The following PXN variants were observed in gnomAD, a reference collection of about 807,000 sequenced individuals.
PXN encodes testicular tissue protein Li 134.
Under a neutral mutation model 103.6 loss-of-function variants are expected in PXN, and 61 were observed. That is an observed-to-expected ratio of 0.59 (90% CI 0.48 to 0.73). The LOEUF (loss-of-function observed/expected upper bound fraction) is 0.73. Among genes scored for constraint, PXN ranks in the 30% least tolerant of loss-of-function variants. The pLI, the probability that PXN is intolerant of heterozygous loss-of-function variation, is 0.00. For synonymous variants in PXN, 562 were observed against 607.8 expected (o/e 0.92, Z 1.11); for missense variants, 1,274 against 1,460.3 (o/e 0.87, Z 2.08).
Position 120,219,971 on chromosome 12 carries a change from T to G in PXN, c.952A>C (p.Ile318Leu), listed in dbSNP as rs769976014. 6 of 1,593,266 alleles carry G rather than the reference T, an allele frequency of 3.8e-6. 1 individual carries two copies. In the South Asian group the frequency reaches 4.4e-5, roughly 12 times the overall value. ...TGGCCCTGGCCTCGAGGGGAGGGTA[T>G]AGTGGTGGGTGGCAGAAATACAGAT... ...MPSVFLPPTT[I>L]PSPRGQGHTP... The change falls in exon 7 of 15, where the codon ATA (isoleucine) becomes CTA (leucine). Residue 318 changes from isoleucine to leucine, a missense_variant. Around this residue, in one of 2 missense-constraint regions of PXN, gnomAD observed 1,178 missense variants for 1,309.0 expected, o/e 0.90. Transcript: ENST00000637617. The surrounding 1 kb of genome is among the most constrained non-coding windows in gnomAD (Gnocchi z 6.5).
At position 120,215,872 on chromosome 12, in the gene PXN, G is replaced by A. The variant is rs1371184760; in HGVS notation, c.2302-211C>T. On this transcript the variant is annotated intron_variant, in intron 9 of 14. Coordinates refer to ENST00000637617, the MANE Select transcript of PXN (RefSeq NM_001385981.1). The surrounding 1 kb of genome is among the most constrained non-coding windows in gnomAD (Gnocchi z 4.9). ...AGGAAGAAGGACAGGGAGGGGAGTC[G>A]ACCAAAGGCAGAGGAAATGGCAAGG... is the stretch of plus-strand genomic sequence containing the variant. The A allele has an allele frequency of 4.5e-6, 6 of 1,331,344 alleles. No individual in the cohort carries two copies. Among genetic ancestry groups the A allele is most frequent in the East Asian group, 2.7e-5 (1 of 36,618 alleles). 82.5% of individuals were successfully genotyped at this position (1,331,344 alleles called of 1,614,324 possible).
In PXN at chr12:120,258,827, A is replaced by G. The variant is rs1189852921; in HGVS notation, c.13+6790T>C. ...GTAATCTCAGCACTTTGGGAGGCCG[A>G]GGTGGGTGGATCACCTGAGGTCGGG... On this transcript the variant is annotated intron_variant, in intron 1 of 14. Coordinates refer to ENST00000637617, the MANE Select transcript of PXN (RefSeq NM_001385981.1). Among the ~76,000 whole-genome samples, 3 of 152,018 alleles carry G rather than the reference A, an allele frequency of 2.0e-5. No individual in the cohort carries two copies. In the South Asian group the frequency reaches 6.2e-4, roughly 32 times the overall value.
In PXN at chr12:120,219,346, G is replaced by GT; in HGVS notation, c.1576dup (p.Thr526AsnfsTer5). 6.3e-7 allele frequency: 1 copy of GT among 1,598,400 alleles called. No homozygotes were observed. Among genetic ancestry groups the GT allele is most frequent in the Non-Finnish European group, 8.5e-7 (1 of 1,179,792 alleles). On this transcript the variant is annotated frameshift_variant, in exon 7 of 15. Transcript: ENST00000637617. LOFTEE classifies it high-confidence loss of function. The surrounding 1 kb of genome is among the most constrained non-coding windows in gnomAD (Gnocchi z 6.5). ...GCTCCTTGGGGTTTCAGGTCCCTGGGTTGGCCTGGCCACACTTCCCCTCTC... is the reference window on the plus strand; with the variant it reads ...GCTCCTTGGGGTTTCAGGTCCCTGGGTTTGGCCTGGCCACACTTCCCCTCTC...
chr12:120,243,687 T>C (rs1030239942), intron 1 of PXN, among the ~76,000 whole-genome samples: 2 of 152,142 alleles, frequency 1.3e-5, no homozygotes, highest in Non-Finnish European at 2.9e-5. Context: ...AGAAATCCTA[T>C]CTCTTAAAAC....
chr12:120,224,382 A>C lies in PXN; in HGVS notation c.14-5T>G. The C allele has an allele frequency of 1.9e-6, 3 of 1,610,050 alleles. No homozygotes were observed. The highest frequency in any genetic ancestry group is 2.6e-6 in the Non-Finnish European group (3 of 1,176,456). The stretch of plus-strand genomic sequence containing the variant: ...CCAAGTCCGCCAGCAGGGCGTCTGC[A>C]AAGAGAAGGCACGGGTAGCAGGTGA... On this transcript the variant is annotated splice_region_variant and splice_polypyrimidine_tract_variant and intron_variant, in intron 1 of 14. Transcript: ENST00000637617. This position sits in a 1 kb window ranked among gnomAD's most constrained non-coding sequence, Gnocchi z 5.0.
rs750409519 is a variant in PXN, at chr12:120,216,035, C to T, written c.2301+238G>A. The T allele has an allele frequency of 1.4e-5, 19 of 1,317,024 alleles. No homozygotes were observed. In the South Asian group the frequency reaches 2.5e-4, roughly 17 times the overall value. The allele number at this position is 1,317,024 out of a possible 1,614,324, so 81.6% of individuals were successfully genotyped here. On this transcript the variant is annotated intron_variant, in intron 9 of 14. Transcript: ENST00000637617. The surrounding 1 kb of genome is among the most constrained non-coding windows in gnomAD (Gnocchi z 5.1). ...GCCCGGGGCAGTACTGAGGACCAGT[C>T]GAGGAAGGAGCAGACATGGGTGGAC...
At position 120,214,555 on chromosome 12, in the gene PXN, C is replaced by T. The variant is rs527318321; in HGVS notation, c.2748+270G>A. On this transcript the variant is annotated intron_variant, in intron 12 of 14. Transcript: ENST00000637617. The surrounding 1 kb of genome is among the most constrained non-coding windows in gnomAD (Gnocchi z 5.0). The stretch of plus-strand genomic sequence containing the variant: ...GGAGAGTGAGGCCGCTGGCATCCAA[C>T]TCCATTTATCTCCTCAGGGCTCCTG... Among the ~76,000 whole-genome samples the T allele has an allele frequency of 5.9e-5, 9 of 152,328 alleles. No homozygotes were observed. In the East Asian group the frequency reaches 1.7e-3, roughly 29 times the overall value.
chr12:120,219,722 G>C lies in PXN; in HGVS notation c.1201C>G (p.His401Asp). 1 of 1,595,674 alleles carries C rather than the reference G, an allele frequency of 6.3e-7. No homozygotes were observed. The highest frequency in any genetic ancestry group is 8.5e-7 in the Non-Finnish European group (1 of 1,178,624). Residue 401 changes from histidine (H) to aspartate (D), a missense_variant, in exon 7 of 15, where the codon CAC becomes GAC. Physicochemically the swap from His to Asp is moderately conservative, Grantham distance 81 (BLOSUM62 -1). This residue lies in a region of PXN where 1,178 missense variants were observed against 1,309.0 expected (regional missense o/e 0.90). Transcript: ENST00000637617. This position sits in a 1 kb window ranked among gnomAD's most constrained non-coding sequence, Gnocchi z 6.5. ...GTGCTCCCAGCACAGGGTACAGTGT[G>C]GCAGCGGGGAGCCCCAGAGAGCTCA... ...TSELSGAPRC[H>D]TVPCAGSTAL...
rs761005766 is a variant in PXN, at chr12:120,219,669, C to G, written c.1254G>C (p.Gln418His). 7 of 1,586,692 alleles carry G rather than the reference C, an allele frequency of 4.4e-6. No homozygotes were observed. In the African/African-American group the frequency reaches 9.4e-5, roughly 21 times the overall value. ...STALQEPGEP[Q>H]GPPASPSCPE... ...GGCACGAAGGGCTGGCTGGTGGCCC[C>G]TGGGGCTCCCCAGGCTCTTGGAGAG... Residue 418 changes from glutamine (Q) to histidine (H), a missense_variant, in exon 7 of 15, where the codon CAG (glutamine) becomes CAC (histidine). Coordinates refer to ENST00000637617, the MANE Select transcript of PXN (RefSeq NM_001385981.1). The surrounding 1 kb of genome is among the most constrained non-coding windows in gnomAD (Gnocchi z 6.5).
At chr12:120,233,715 T>C (rs932052175) in intron 1 of PXN, among the ~76,000 whole-genome samples, 1 of 152,172 alleles carries the variant, frequency 6.6e-6, no homozygotes, top group Non-Finnish European at 1.5e-5. Context: ...TCAGAAACCC[T>C]GGGGATGGCA....
intron 1 of PXN, chr12:120,249,824 T>C (rs577530164): frequency 1.0e-6 from 1 of 978,488 alleles, no homozygotes; most frequent in Non-Finnish European, 1.2e-6. Context: ...AAGAGGCCAT[T>C]TGAGGTGGTG....
chr12:120,213,247 G>T lies in PXN; in HGVS notation c.2979+595C>A, dbSNP rs1880992809. 1 of 153,148 alleles carries T rather than the reference G, an allele frequency of 6.5e-6. No individual in the cohort carries two copies. The highest frequency in any genetic ancestry group is 2.0e-4 in the South Asian group (1 of 4,894). The allele number at this position is 153,148 out of a possible 1,614,324, so 9.5% of individuals were successfully genotyped here. ...TACAAAAAATTAGCCAGGCATGGGG[G>T]CGTGTGCCTGTAATCTCAGCTACTT... On this transcript the variant is annotated intron_variant, in intron 14 of 14. Coordinates refer to ENST00000637617, the MANE Select transcript of PXN (RefSeq NM_001385981.1). This position sits in a 1 kb window ranked among gnomAD's most constrained non-coding sequence, Gnocchi z 4.2.
intron 3 of PXN, 88 bp downstream of exon 3, chr12:120,223,630 T>C: frequency 9.8e-7 from 1 of 1,015,728 alleles, no homozygotes; most frequent in Non-Finnish European, 1.4e-6. Flanking sequence ...CTATGCCTGC[T>C]CCCGGGCCTC....
chr12:120,216,549 CAG>C lies in PXN; in HGVS notation c.2023_2024del (p.Leu675GlufsTer59), dbSNP rs1883084894. 2.1e-6 allele frequency: 3 copies of C among 1,419,600 alleles called. No homozygotes were observed. Among genetic ancestry groups the C allele is most frequent in the South Asian group, 1.5e-5 (1 of 66,614 alleles). 87.9% of individuals were successfully genotyped at this position (1,419,600 alleles called of 1,614,324 possible). A position where few individuals can be genotyped will look rare whatever the true frequency, so the allele number is the denominator to read the frequency against. ...VVFPPGSPIP[L>X]RRTISVLASP... Reference sequence around the variant, plus strand: ...AAGCCAGGACAGAGATGGTTCTTCTCAGGGGAATGGGAGAGCCAGGAGGGAAG... The same window carrying C: ...AAGCCAGGACAGAGATGGTTCTTCTCGGGAATGGGAGAGCCAGGAGGGAAG... On this transcript the variant is annotated frameshift_variant, in exon 9 of 15. Transcript: ENST00000637617. LOFTEE classifies it high-confidence loss of function. This position sits in a 1 kb window ranked among gnomAD's most constrained non-coding sequence, Gnocchi z 5.1.
intron 1 of PXN, among the ~76,000 whole-genome samples, chr12:120,245,645 G>A (rs1032759432): frequency 3.3e-5 from 5 of 151,682 alleles, no homozygotes; most frequent in Non-Finnish European, 5.9e-5. Context: ...AAAATTAGCC[G>A]GGTGTTGTGG....
chr12:120,235,815 C>T (rs1015795618), intron 1 of PXN, among the ~76,000 whole-genome samples: 16 of 152,206 alleles, frequency 1.1e-4, no homozygotes, highest in African/African-American at 3.9e-4. Context: ...TCGACGCGCA[C>T]AAGTGTTTTC....
At position 120,217,843 on chromosome 12, in the gene PXN, C is replaced by CT. The variant is rs1883719904; in HGVS notation, c.1717-728dup. Among the ~76,000 whole-genome samples the CT allele has an allele frequency of 1.3e-5, 2 of 151,744 alleles. No individual in the cohort carries two copies. Among genetic ancestry groups the CT allele is most frequent in the Admixed American group, 6.5e-5 (1 of 15,274 alleles). The stretch of plus-strand genomic sequence containing the variant: ...TCAAACTCCTGACCTCGTGATCTGC[C>CT]TGCCTCGGCCTCCCAAAGTGCTGGG... On this transcript the variant is annotated intron_variant, in intron 7 of 14. Transcript: ENST00000637617. This position sits in a 1 kb window ranked among gnomAD's most constrained non-coding sequence, Gnocchi z 4.1.
At position 120,229,070 on chromosome 12, in the gene PXN, G is replaced by A. The variant is rs1887498248; in HGVS notation, c.14-4693C>T. On this transcript the variant is annotated intron_variant, in intron 1 of 14. Transcript: ENST00000637617. This position sits in a 1 kb window ranked among gnomAD's most constrained non-coding sequence, Gnocchi z 4.0. ...GGGGACCGGTTCGCCTGCATTCCAG[G>A]GCAAGTGCTGCAGCTGCATCCCTCA... 6.6e-6 allele frequency among the ~76,000 whole-genome samples: 1 copy of A among 152,268 alleles called. No individual in the cohort carries two copies. The highest frequency in any genetic ancestry group is 1.9e-4 in the East Asian group (1 of 5,184).
intron 1 of PXN, among the ~76,000 whole-genome samples, chr12:120,256,236 C>T (rs1892995286): frequency 6.6e-6 from 1 of 151,976 alleles, no homozygotes; most frequent in African/African-American, 2.4e-5. Context: ...CATAATGAGA[C>T]TCCGGCTGTA....
Sources: gnomAD v4.1 joint callset for allele counts (sites outside exome capture counted in the v4.1 genomes callset) on GRCh38, gnomAD v4.1.1 for gene constraint, gnomAD v4.1.1 regional missense constraint, Gnocchi (gnomAD v3.1) non-coding constraint, MANE v1.5 for transcripts, NCBI Gene and HGNC (gene_info 2026-07-23, HGNC 2026-07-21) for gene names.